RTTN: variants seen among roughly 807,000 people sequenced by gnomAD.
The protein encoded by RTTN is rotatin.
In RTTN, 182 loss-of-function variants were observed where a neutral mutation model predicts 269.2. The ratio of observed to expected loss-of-function variants is 0.68; its 90% CI spans 0.60 to 0.76. The LOEUF (loss-of-function observed/expected upper bound fraction) is 0.76. RTTN is among the 30% of genes least tolerant of loss of function. The probability of loss-of-function intolerance (pLI) is 0.00; values close to 1 mark genes in which losing one functional copy is unlikely to be tolerated. For missense variants in RTTN, 2,545 were observed against 2,608.6 expected (o/e 0.98, Z 0.53); for synonymous variants, 1,006 against 963.5 (o/e 1.04, Z -0.82).
chr18:70,200,827 T>C (rs2061926621), intron 4 of RTTN, among the ~76,000 whole-genome samples: 1 of 152,226 alleles, frequency 6.6e-6, no homozygotes, highest in South Asian at 2.1e-4. Context: ...AGTGTCTTTA[T>C]TAGTAAAATG....
chr18:70,129,783 A>G (rs1042454713), intron 23 of RTTN: 1 of 152,094 alleles, frequency 6.6e-6, no homozygotes, highest in African/African-American at 2.4e-5. Context: ...ATGGGATCAT[A>G]TCAAGCTAAA....
intron 26 of RTTN, among the ~76,000 whole-genome samples, chr18:70,115,411 A>G (rs2059579403): frequency 6.6e-6 from 1 of 151,952 alleles, no homozygotes; most frequent in South Asian, 2.1e-4. Context: ...AAGGAATATA[A>G]GAGGATTATT....
At chr18:70,028,684 C>A in intron 43 of RTTN, 40 bp downstream of exon 43, 1 of 1,207,178 alleles carries the variant, frequency 8.3e-7, no homozygotes, top group South Asian at 1.3e-5. Flanking sequence ...TGCTTAATAC[C>A]AGTACTCCTA....
intron 17 of RTTN, among the ~76,000 whole-genome samples, chr18:70,148,442 G>A (rs142508515): frequency 1.8e-3 from 273 of 152,250 alleles, no homozygotes; most frequent in Admixed American, 2.7e-3. Context: ...TAAGAACACA[G>A]CTATATGGGA....
At chr18:70,015,393 T>G (rs1431914330) in intron 46 of RTTN, among the ~76,000 whole-genome samples, 3 of 152,046 alleles carry the variant, frequency 2.0e-5, no homozygotes, top group Non-Finnish European at 2.9e-5. Flanking sequence ...AAGGTCAAGC[T>G]CCACTGCACA....
Position 70,202,828 on chromosome 18 carries a change from A to G in RTTN, c.398-845T>C, listed in dbSNP as rs1000888803. 3.9e-5 allele frequency among the ~76,000 whole-genome samples: 6 copies of G among 152,274 alleles called. 1 individual carries two copies. In the South Asian group the frequency reaches 1.2e-3, roughly 31 times the overall value. Reference sequence around the variant, plus strand: ...TAAGATTTAACAAGATGATGTGTTTAAATCAATGTATTCAATGCCCACAAC... The same window carrying G: ...TAAGATTTAACAAGATGATGTGTTTGAATCAATGTATTCAATGCCCACAAC... On this transcript the variant is annotated intron_variant, in intron 3 of 48. Transcript: ENST00000640769.
At chr18:70,014,483 T>C (rs1435620031) in intron 46 of RTTN, among the ~76,000 whole-genome samples, 1 of 152,198 alleles carries the variant, frequency 6.6e-6, no homozygotes, top group Non-Finnish European at 1.5e-5. Context: ...TTAATGCTTT[T>C]GAAAAATTAT....
At chr18:70,135,320 G>A (rs373179884) in intron 21 of RTTN, 40 bp from the exon 22 acceptor site, 106 of 1,170,048 alleles carry the variant, frequency 9.1e-5, no homozygotes, top group East Asian at 4.2e-4. Flanking sequence ...ATATTTGTAC[G>A]TCTAGAAAGA....
At chr18:70,098,411 T>C (rs752629882) in intron 28 of RTTN, among the ~76,000 whole-genome samples, 25 of 152,240 alleles carry the variant, frequency 1.6e-4, no homozygotes, top group Non-Finnish European at 3.2e-4. Flanking sequence ...GGTCACTAGA[T>C]CCAGGAGTTG....
intron 18 of RTTN, among the ~76,000 whole-genome samples, chr18:70,144,801 G>A (rs974458814): frequency 2.6e-5 from 4 of 152,110 alleles, no homozygotes; most frequent in East Asian, 3.8e-4. Context: ...CAAAAAAACC[G>A]ACTGTATTAC....
chr18:70,063,745 A>C lies in RTTN; in HGVS notation c.4747+2084T>G, dbSNP rs569448151. Among the ~76,000 whole-genome samples, 9 of 152,284 alleles carry C rather than the reference A, an allele frequency of 5.9e-5. No homozygotes were observed. The East Asian group carries it at 1.7e-3, about 29-fold the overall frequency. On this transcript the variant is annotated intron_variant, in intron 35 of 48. Coordinates refer to ENST00000640769, the MANE Select transcript of RTTN (RefSeq NM_173630.4). ...AGAAACCTTTTTTGAATTTTTCTGT[A>C]AAGAGAGCTAGTTCAGAATATAAAT...
intron 45 of RTTN, among the ~76,000 whole-genome samples, chr18:70,018,738 T>C (rs975521333): frequency 6.6e-6 from 1 of 152,128 alleles, no homozygotes. Context: ...CTGACAGTTT[T>C]TAGATTCAAC....
Position 70,109,645 on chromosome 18 carries a change from C to T in RTTN, c.3756G>A (p.Thr1252=), listed in dbSNP as rs368653747. Residue 1252 remains threonine, a synonymous_variant, in exon 28 of 49, where the codon ACG becomes ACA. Transcript: ENST00000640769. ...GCAGGCCATAGAAATGAGGCGCATC[C>T]GTCACTTTCAGACACTGGAGCAGTT... The part of the protein sequence containing the change: ...ALKLLQCLKV[T]DAPHFYGLPS... 101 of 1,613,920 alleles carry T rather than the reference C, an allele frequency of 6.3e-5. No homozygotes were observed. Among genetic ancestry groups the T allele is most frequent in the Non-Finnish European group, 8.4e-5 (99 of 1,180,032 alleles).
chr18:70,125,429 T>C (rs907335715), intron 25 of RTTN, among the ~76,000 whole-genome samples: 1 of 152,130 alleles, frequency 6.6e-6, no homozygotes, highest in African/African-American at 2.4e-5. Context: ...TATTCTAACA[T>C]ACACACTCAC....
intron 45 of RTTN, chr18:70,019,636 AC>A (rs2056645311): frequency 6.6e-6 from 1 of 152,194 alleles, no homozygotes; most frequent in African/African-American, 2.4e-5. Context: ...TGATATGCCC[AC>A]TGTGGCTGAT....
At chr18:70,147,928 A>C (rs2060437074) in intron 17 of RTTN, among the ~76,000 whole-genome samples, 1 of 152,148 alleles carries the variant, frequency 6.6e-6, no homozygotes, top group Non-Finnish European at 1.5e-5. Flanking sequence ...CATGTGTAGA[A>C]GACAACCCCT....
chr18:70,028,915 T>C (rs1376522942), intron 42 of RTTN, 114 bp from the exon 43 acceptor site: 15 of 575,686 alleles, frequency 2.6e-5, no homozygotes, highest in Non-Finnish European at 4.2e-5. Flanking sequence ...GCTCTAATCA[T>C]GCCCAACCAC....
intron 26 of RTTN, among the ~76,000 whole-genome samples, chr18:70,120,323 T>A (rs1005545619): frequency 6.6e-6 from 1 of 152,066 alleles, no homozygotes; most frequent in East Asian, 1.9e-4. Flanking sequence ...TTGTTTTTTA[T>A]AAATTACCCA....
chr18:70,192,272 A>G (rs1223599607), intron 8 of RTTN, among the ~76,000 whole-genome samples: 2 of 152,194 alleles, frequency 1.3e-5, no homozygotes, highest in Admixed American at 1.3e-4. Context: ...AACATTTTTT[A>G]GAATGACACT....
Sources: allele counts gnomAD v4.1 joint callset (sites outside exome capture counted in the v4.1 genomes callset), GRCh38; gene constraint gnomAD v4.1.1; transcripts MANE v1.5; gene names NCBI Gene and HGNC (gene_info 2026-07-23, HGNC 2026-07-21).